The following ARHGEF3 variants were observed in gnomAD, a reference collection of about 807,000 sequenced individuals.
The protein encoded by ARHGEF3 is 59.8 kDA protein.
A neutral mutation model predicts 63.2 loss-of-function variants in ARHGEF3; 28 were observed. The ratio of observed to expected loss-of-function variants is 0.44; its 90% CI spans 0.33 to 0.61. ARHGEF3 has a LOEUF of 0.61. ARHGEF3 is among the 20% of genes least tolerant of loss of function. The probability of loss-of-function intolerance (pLI) is 0.03; values close to 1 mark genes in which losing one functional copy is unlikely to be tolerated. For missense variants in ARHGEF3, 533 were observed against 659.3 expected (o/e 0.81, Z 2.10); for synonymous variants, 266 against 254.2 (o/e 1.05, Z -0.44).
At chr3:56,994,081 A>AAAAAAAAAAAAAAAAAAAAAAAAAAC (rs1701880412) in intron 2 of ARHGEF3, among the ~76,000 whole-genome samples, 1 of 148,722 alleles carries the variant, frequency 6.7e-6, no homozygotes, top group Non-Finnish European at 1.5e-5. Flanking sequence ...AAAAAAAAAA[A>AAAAAAAAAAAAAAAAAAAAAAAAAAC]AAAAGCACAC....
chr3:57,053,333 T>C (rs1704756790), intron 1 of ARHGEF3, among the ~76,000 whole-genome samples: 1 of 152,026 alleles, frequency 6.6e-6, no homozygotes, highest in South Asian at 2.1e-4. Flanking sequence ...TGCCCACACC[T>C]GGGGCAGGGA....
intron 2 of ARHGEF3, among the ~76,000 whole-genome samples, chr3:56,978,568 A>T (rs1467849974): frequency 2.6e-5 from 4 of 152,252 alleles, no homozygotes; most frequent in Admixed American, 6.5e-5. Flanking sequence ...GCATGTTTAT[A>T]TTTCAAATTA....
chr3:56,825,115 G>A (rs2038663670), intron 4 of ARHGEF3, among the ~76,000 whole-genome samples: 2 of 152,116 alleles, frequency 1.3e-5, no homozygotes, highest in African/African-American at 4.8e-5. Context: ...CAGTTTCCTC[G>A]CCTATAAAAT....
intron 2 of ARHGEF3, chr3:56,977,448 A>G: frequency 2.6e-6 from 1 of 387,978 alleles, no homozygotes; most frequent in South Asian, 1.9e-5. Flanking sequence ...GACCCAGGCA[A>G]AGATGCTCTT....
chr3:56,842,529 T>C (rs1230793854), intron 4 of ARHGEF3, among the ~76,000 whole-genome samples: 1 of 152,248 alleles, frequency 6.6e-6, no homozygotes, highest in Non-Finnish European at 1.5e-5. Context: ...AGCAGATGTC[T>C]AGAAACCAAT....
At position 56,903,932 on chromosome 3, in the gene ARHGEF3, C is replaced by T. The variant is rs374866139; in HGVS notation, c.130-21578G>A. Among the ~76,000 whole-genome samples the T allele has an allele frequency of 5.3e-5, 8 of 152,144 alleles. 1 individual carries two copies. Among genetic ancestry groups the T allele is most frequent in the Admixed American group, 2.6e-4 (4 of 15,268 alleles). ...AGGCTGGAGTGCAGAGGCATGATCA[C>T]GGCTCACTGCAGCCTCAACCTCCTT... is the stretch of plus-strand genomic sequence containing the variant. On this transcript the variant is annotated intron_variant, in intron 3 of 12. Coordinates refer to the ARHGEF3 transcript ENST00000338458.
At chr3:57,001,993 G>A (rs1196218996) in intron 2 of ARHGEF3, among the ~76,000 whole-genome samples, 1 of 140,874 alleles carries the variant, frequency 7.1e-6, no homozygotes, top group South Asian at 2.2e-4. Context: ...GCGTGATCTC[G>A]GCTCACTGCA....
At position 56,907,109 on chromosome 3, in the gene ARHGEF3, A is replaced by C. The variant is rs1389073035; in HGVS notation, c.130-24755T>G. Among the ~76,000 whole-genome samples the C allele has an allele frequency of 1.3e-5, 2 of 150,634 alleles. 1 individual carries two copies. The highest frequency in any genetic ancestry group is 3.0e-5 in the Non-Finnish European group (2 of 67,718). On this transcript the variant is annotated intron_variant, in intron 3 of 12. Coordinates refer to the ARHGEF3 transcript ENST00000338458. ...TGATTCTCCTGCCTCAGCCTCCCAA[A>C]TAGCTGGGATTACAGGCCTGCATCA...
intron 2 of ARHGEF3, 35 bp downstream of exon 2, chr3:56,773,674 T>C: frequency 1.3e-6 from 2 of 1,520,758 alleles, no homozygotes; most frequent in Non-Finnish European, 1.8e-6. Context: ...ACACCATGAT[T>C]TTCTGCAACC....
intron 3 of ARHGEF3, among the ~76,000 whole-genome samples, chr3:56,907,780 A>G (rs1178082006): frequency 6.6e-6 from 1 of 152,200 alleles, no homozygotes; most frequent in African/African-American, 2.4e-5. Context: ...AAAACCAAAT[A>G]CTGTATGTTC....
intron 4 of ARHGEF3, among the ~76,000 whole-genome samples, chr3:56,842,805 T>C (rs886636057): frequency 1.3e-5 from 2 of 152,160 alleles, no homozygotes; most frequent in African/African-American, 4.8e-5. Flanking sequence ...TGGCCAGACA[T>C]CAAAGCCCCA....
chr3:56,933,393 T>TCTTTTTTTTTTTTTTTTA (rs2042463657), intron 3 of ARHGEF3, among the ~76,000 whole-genome samples: 1 of 148,826 alleles, frequency 6.7e-6, no homozygotes, highest in African/African-American at 2.6e-5. Context: ...ATGTTTCTTT[T>TCTTTTTTTTTTTTTTTTA]CTTTTTTTTT....
intron 2 of ARHGEF3, among the ~76,000 whole-genome samples, chr3:56,964,394 C>A (rs1485583929): frequency 6.6e-6 from 1 of 151,142 alleles, no homozygotes; most frequent in Non-Finnish European, 1.5e-5. Context: ...CAGAAATGGT[C>A]AGCTGGTACA....
chr3:56,964,594 G>A (rs1458106553), intron 2 of ARHGEF3, among the ~76,000 whole-genome samples: 1 of 152,128 alleles, frequency 6.6e-6, no homozygotes, highest in Non-Finnish European at 1.5e-5. Context: ...ATCAGCAGTG[G>A]ACAAGAAATT....
chr3:56,809,493 T>G (rs1309023598), intron 4 of ARHGEF3, among the ~76,000 whole-genome samples: 2 of 152,120 alleles, frequency 1.3e-5, no homozygotes, highest in Non-Finnish European at 2.9e-5. Flanking sequence ...GGATGCACAG[T>G]TTGTATAAAC....
chr3:56,786,435 A>G (rs2036820247), intron 1 of ARHGEF3, among the ~76,000 whole-genome samples: 1 of 152,192 alleles, frequency 6.6e-6, no homozygotes, highest in Non-Finnish European at 1.5e-5. Flanking sequence ...AATAGCTTCA[A>G]AATGTTATTC....
At chr3:57,025,550 T>G (rs763231445) in intron 2 of ARHGEF3, among the ~76,000 whole-genome samples, 1 of 152,142 alleles carries the variant, frequency 6.6e-6, no homozygotes, top group Non-Finnish European at 1.5e-5. Context: ...TTTACAGAAG[T>G]AGGCAAATGC....
At chr3:57,066,690 G>A (rs1425184121) in intron 1 of ARHGEF3, among the ~76,000 whole-genome samples, 1 of 152,360 alleles carries the variant, frequency 6.6e-6, no homozygotes, top group South Asian at 2.1e-4. Context: ...AGACATTTCT[G>A]TGAAGGTATT....
intron 4 of ARHGEF3, among the ~76,000 whole-genome samples, chr3:56,858,966 A>G (rs1698526056): frequency 1.3e-5 from 2 of 152,150 alleles, no homozygotes; most frequent in African/African-American, 4.8e-5. Context: ...CTCTGCTTGC[A>G]AAATGTTTTT....
Sources: gnomAD v4.1 joint callset for allele counts (sites outside exome capture counted in the v4.1 genomes callset) on GRCh38, gnomAD v4.1.1 for gene constraint, MANE v1.5 for transcripts, NCBI Gene and HGNC (gene_info 2026-07-23, HGNC 2026-07-21) for gene names.